The following CSMD2 variants were observed in gnomAD, a reference collection of about 807,000 sequenced individuals.
CSMD2 encodes the protein CUB and Sushi multiple domains 2, also known as CUB and sushi domain-containing protein 2.
CSMD2 carries 130 observed loss-of-function variants against 398.5 expected under a neutral mutation model. The observed-to-expected ratio is 0.33, with a 90% confidence interval of 0.28 to 0.38. The LOEUF (loss-of-function observed/expected upper bound fraction) is 0.38. Ranked by LOEUF, CSMD2 falls within the 10% of genes least tolerant of loss-of-function variation. The pLI, the probability that CSMD2 is intolerant of heterozygous loss-of-function variation, is 1.00. For missense variants in CSMD2, 3,829 were observed against 4,764.9 expected (o/e 0.80, Z 5.78); for synonymous variants, 1,828 against 1,908.5 (o/e 0.96, Z 1.10).
intron 3 of CSMD2, among the ~76,000 whole-genome samples, chr1:33,959,248 T>G (rs1037299512): frequency 2.6e-5 from 4 of 152,172 alleles, no homozygotes; most frequent in African/African-American, 9.7e-5. Flanking sequence ...GTGACACTGC[T>G]GGCTTAATTG....
At chr1:33,728,772 A>C (rs116428430) in intron 15 of CSMD2, among the ~76,000 whole-genome samples, 1,693 of 152,346 alleles carry the variant, frequency 0.011, 29 homozygotes, top group African/African-American at 0.039. Flanking sequence ...ACTAAATGGC[A>C]CGTACTATTA....
At chr1:33,597,986 A>G (rs1639951105) in intron 44 of CSMD2, among the ~76,000 whole-genome samples, 1 of 152,234 alleles carries the variant, frequency 6.6e-6, no homozygotes, top group Non-Finnish European at 1.5e-5. Flanking sequence ...CATTTATAGA[A>G]TGATTGTCTT....
chr1:33,814,311 A>C (rs1210899148), intron 9 of CSMD2: 1 of 152,202 alleles, frequency 6.6e-6, no homozygotes, highest in African/African-American at 2.4e-5. Flanking sequence ...AAAAATCACT[A>C]GTAGGAAGAT....
intron 25 of CSMD2, among the ~76,000 whole-genome samples, chr1:33,689,037 A>G (rs1645146813): frequency 6.9e-6 from 1 of 145,224 alleles, no homozygotes; most frequent in Non-Finnish European, 1.5e-5. Context: ...AAAGAGAGAG[A>G]GGGAGGGAAG....
chr1:34,027,386 G>C (rs574194652), intron 3 of CSMD2, among the ~76,000 whole-genome samples: 58 of 152,348 alleles, frequency 3.8e-4, no homozygotes, highest in African/African-American at 1.3e-3. Flanking sequence ...CAAGGTGGGA[G>C]GAATGGGCTC....
intron 5 of CSMD2, among the ~76,000 whole-genome samples, chr1:33,858,490 T>G (rs2125106552): frequency 6.6e-6 from 1 of 152,298 alleles, no homozygotes; most frequent in South Asian, 2.1e-4. Flanking sequence ...CTCTGCCACT[T>G]ATTGCTGTGT....
At chr1:33,698,727 T>A in intron 24 of CSMD2, 26 bp downstream of exon 24, 1 of 1,597,478 alleles carries the variant, frequency 6.3e-7, no homozygotes. Flanking sequence ...ACCCAAGGGT[T>A]CCCTGCAGAG....
At chr1:34,022,660 G>A (rs937433627) in intron 3 of CSMD2, among the ~76,000 whole-genome samples, 1 of 152,178 alleles carries the variant, frequency 6.6e-6, no homozygotes, top group Non-Finnish European at 1.5e-5. Flanking sequence ...GGTGGTTCAG[G>A]AGAGGGGACT....
At chr1:33,556,168 T>C (rs891245128) in intron 55 of CSMD2, among the ~76,000 whole-genome samples, 2 of 152,310 alleles carry the variant, frequency 1.3e-5, no homozygotes, top group East Asian at 3.9e-4. Context: ...CACTTTATTA[T>C]GATAAAAGCT....
intron 5 of CSMD2, among the ~76,000 whole-genome samples, chr1:33,890,587 A>G (rs953220011): frequency 6.6e-6 from 1 of 152,052 alleles, no homozygotes; most frequent in Non-Finnish European, 1.5e-5. Context: ...CGCATCGCCA[A>G]GTCAATCCTA....
chr1:33,777,805 C>G (rs1379464430), intron 12 of CSMD2, among the ~76,000 whole-genome samples: 1 of 152,190 alleles, frequency 6.6e-6, no homozygotes, highest in Non-Finnish European at 1.5e-5. Context: ...TTATCCCCAT[C>G]ATCTGTGATC....
intron 29 of CSMD2, among the ~76,000 whole-genome samples, chr1:33,644,899 C>G (rs902182499): frequency 1.3e-5 from 2 of 152,086 alleles, no homozygotes; most frequent in African/African-American, 4.8e-5. Context: ...ATTGCCTAGG[C>G]CAGCCCCGTG....
At chr1:33,768,030 T>A (rs1650741381) in intron 13 of CSMD2, among the ~76,000 whole-genome samples, 1 of 152,236 alleles carries the variant, frequency 6.6e-6, no homozygotes, top group African/African-American at 2.4e-5. Flanking sequence ...TCTTTGAACC[T>A]TGTTTTAATC....
chr1:33,963,771 T>C (rs1645455187), intron 3 of CSMD2, among the ~76,000 whole-genome samples: 2 of 152,270 alleles, frequency 1.3e-5, no homozygotes, highest in South Asian at 4.1e-4. Flanking sequence ...AGTATTCCAC[T>C]GAAGGGATAT....
At chr1:34,014,360 G>A (rs1209069126) in intron 3 of CSMD2, among the ~76,000 whole-genome samples, 1 of 152,236 alleles carries the variant, frequency 6.6e-6, no homozygotes, top group Non-Finnish European at 1.5e-5. Context: ...TTCCCATAAT[G>A]TAAAGGCTGT....
At chr1:34,027,395 T>C (rs542049584) in intron 3 of CSMD2, among the ~76,000 whole-genome samples, 19 of 152,326 alleles carry the variant, frequency 1.2e-4, no homozygotes, top group Non-Finnish European at 2.6e-4. Flanking sequence ...AGGAATGGGC[T>C]CAGGCCTGCT....
At chr1:33,782,708 C>T (rs1652941147) in intron 12 of CSMD2, among the ~76,000 whole-genome samples, 1 of 152,158 alleles carries the variant, frequency 6.6e-6, no homozygotes, top group Non-Finnish European at 1.5e-5. Flanking sequence ...ACATGCTTTT[C>T]TGAGCATGTG....
At chr1:33,912,838 T>C (rs912765535) in intron 5 of CSMD2, among the ~76,000 whole-genome samples, 8 of 152,122 alleles carry the variant, frequency 5.3e-5, no homozygotes, top group African/African-American at 1.9e-4. Context: ...AGACAGAGTC[T>C]TTCTTACTCT....
rs570639897 is a variant in CSMD2, at chr1:34,014,825, T to C, written c.517+17769A>G. On this transcript the variant is annotated intron_variant, in intron 3 of 70. Transcript: ENST00000373381. ...TAGGTTTGCATAACCTTTATAGTGT[T>C]TGAGGACATTTCCTCCTGTTTGTTC... 2.3e-4 allele frequency among the ~76,000 whole-genome samples: 35 copies of C among 152,362 alleles called. No individual in the cohort carries two copies. The South Asian group carries it at 7.3e-3, about 32-fold the overall frequency.
Sources: allele counts gnomAD v4.1 joint callset (sites outside exome capture counted in the v4.1 genomes callset), GRCh38; gene constraint gnomAD v4.1.1; transcripts MANE v1.5; gene names NCBI Gene and HGNC (gene_info 2026-07-23, HGNC 2026-07-21).